The following RMDN2 variants were observed in gnomAD, a reference collection of about 807,000 sequenced individuals.
RMDN2 encodes the protein regulator of microtubule dynamics 2.
In RMDN2, 61 loss-of-function variants were observed where a neutral mutation model predicts 52.8. The observed-to-expected ratio is 1.16, with a 90% confidence interval of 0.94 to 1.43. The LOEUF (loss-of-function observed/expected upper bound fraction) is 1.43. Ranked by LOEUF, RMDN2 falls within the 40% of genes most tolerant of loss-of-function variation. The probability of loss-of-function intolerance (pLI) is 0.00; values close to 1 mark genes in which losing one functional copy is unlikely to be tolerated. For synonymous variants in RMDN2, 180 were observed against 153.1 expected (o/e 1.18, Z -1.30); for missense variants, 592 against 475.3 (o/e 1.25, Z -2.28).
chr2:37,968,704 A>G (rs1367297310), intron 2 of RMDN2, among the ~76,000 whole-genome samples: 3 of 152,190 alleles, frequency 2.0e-5, no homozygotes, highest in Non-Finnish European at 4.4e-5. Flanking sequence ...AATTTAGAGC[A>G]GAAGAAAGGA....
chr2:37,934,671 T>G (rs1667140550), intron 2 of RMDN2, among the ~76,000 whole-genome samples: 1 of 152,078 alleles, frequency 6.6e-6, no homozygotes. Context: ...GAGTACTATT[T>G]TTAGGGAGGA....
chr2:37,974,219 G>T lies in RMDN2; in HGVS notation c.627+5G>T. On this transcript the variant is annotated splice_donor_5th_base_variant and intron_variant, in intron 3 of 10. Coordinates refer to ENST00000354545, the MANE Select transcript of RMDN2 (RefSeq NM_001170791.3). ...CTTCGTGACCACAAAGAAAAGGTAA[G>T]AGACATAACAATAGCACTTCGTATA... 6.2e-7 allele frequency: 1 copy of T among 1,605,020 alleles called. No individual in the cohort carries two copies. The highest frequency in any genetic ancestry group is 1.1e-5 in the South Asian group (1 of 89,884).
intron 8 of RMDN2, among the ~76,000 whole-genome samples, chr2:38,000,879 A>G (rs1358761381): frequency 6.6e-6 from 1 of 152,224 alleles, no homozygotes; most frequent in African/African-American, 2.4e-5. Flanking sequence ...GTTGTGTCAT[A>G]TGGTATGTGC....
At chr2:38,045,161 C>T (rs183538057) in intron 10 of RMDN2, among the ~76,000 whole-genome samples, 2 of 152,202 alleles carry the variant, frequency 1.3e-5, no homozygotes, top group East Asian at 1.9e-4. Flanking sequence ...ATAGAAAATA[C>T]GTAATTTAAA....
chr2:37,984,401 G>A (rs1180556464), intron 5 of RMDN2, among the ~76,000 whole-genome samples: 1 of 152,164 alleles, frequency 6.6e-6, no homozygotes, highest in Non-Finnish European at 1.5e-5. Flanking sequence ...ACATGTCTTA[G>A]AACATGTGAT....
intron 7 of RMDN2, among the ~76,000 whole-genome samples, chr2:37,992,618 A>T (rs930508007): frequency 1.3e-5 from 2 of 152,202 alleles, no homozygotes; most frequent in Non-Finnish European, 2.9e-5. Context: ...TTTCTTCAGC[A>T]TCTAGCTCAG....
intron 10 of RMDN2, among the ~76,000 whole-genome samples, chr2:38,043,990 T>C (rs1169708544): frequency 6.6e-6 from 1 of 152,066 alleles, no homozygotes; most frequent in African/African-American, 2.4e-5. Context: ...TCTATATCAT[T>C]TTCCTTCTCT....
At chr2:38,015,273 T>C (rs765831921) in intron 10 of RMDN2, among the ~76,000 whole-genome samples, 1 of 152,120 alleles carries the variant, frequency 6.6e-6, no homozygotes, top group African/African-American at 2.4e-5. Context: ...ACGATAGGAA[T>C]TGTTGACCCT....
chr2:37,925,221 C>G (rs923973195), upstream of RMDN2: 84 of 152,262 alleles, frequency 5.5e-4, no homozygotes, highest in African/African-American at 2.0e-3. Context: ...GAACCCACCA[C>G]GAGAGGGAGA....
chr2:38,065,897 C>T (rs749615581), intron 10 of RMDN2, among the ~76,000 whole-genome samples: 8 of 152,172 alleles, frequency 5.3e-5, no homozygotes, highest in South Asian at 4.1e-4. Context: ...TGAGGATTCC[C>T]GCACAATGTC....
At chr2:37,955,388 GTTTTTATCATAAAAAGGTGATAAAT>G in intron 2 of RMDN2, among the ~76,000 whole-genome samples, 1 of 152,188 alleles carries the variant, frequency 6.6e-6, no homozygotes, top group East Asian at 1.9e-4. Flanking sequence ...TTTGTTGAGT[GTTTTTATCATAAAAAGGTGATAAAT>G]TTTGTCAAAT....
At chr2:37,927,395 C>T (rs1390803301) in intron 1 of RMDN2, among the ~76,000 whole-genome samples, 2 of 152,154 alleles carry the variant, frequency 1.3e-5, no homozygotes, top group Non-Finnish European at 2.9e-5. Flanking sequence ...ATAATAGGAC[C>T]TGCATGGAAG....
At chr2:38,064,477 G>A (rs1400482198) in intron 10 of RMDN2, among the ~76,000 whole-genome samples, 4 of 151,306 alleles carry the variant, frequency 2.6e-5, no homozygotes, top group Non-Finnish European at 5.9e-5. Context: ...GTGACAGAGC[G>A]AGACTCCATC....
At chr2:38,015,781 C>A (rs1047550467) in intron 10 of RMDN2, among the ~76,000 whole-genome samples, 4 of 152,256 alleles carry the variant, frequency 2.6e-5, no homozygotes, top group African/African-American at 9.6e-5. Flanking sequence ...AGCGATCTAA[C>A]AACATGTCAA....
At chr2:37,945,436 T>C (rs1372868333) in intron 2 of RMDN2, among the ~76,000 whole-genome samples, 1 of 152,194 alleles carries the variant, frequency 6.6e-6, no homozygotes, top group African/African-American at 2.4e-5. Flanking sequence ...CATCTTCCTG[T>C]GCCTTCTTCA....
At chr2:38,057,475 G>A (rs1681892283) in intron 10 of RMDN2, among the ~76,000 whole-genome samples, 1 of 152,162 alleles carries the variant, frequency 6.6e-6, no homozygotes, top group South Asian at 2.1e-4. Context: ...TGGAAAATGG[G>A]TGGTGGACCA....
At chr2:37,950,531 T>A (rs368811109) in intron 2 of RMDN2, 87 of 1,612,956 alleles carry the variant, frequency 5.4e-5, no homozygotes, top group Non-Finnish European at 7.2e-5. Flanking sequence ...GGCTTAAGGA[T>A]GACGGCCTAG....
At chr2:37,990,916 A>G (rs1051478488) in intron 6 of RMDN2, among the ~76,000 whole-genome samples, 2 of 152,204 alleles carry the variant, frequency 1.3e-5, no homozygotes, top group Admixed American at 6.5e-5. Context: ...AGAATCAGTA[A>G]CTATTCACTA....
intron 2 of RMDN2, chr2:37,951,324 C>T (rs1434020885): frequency 1.2e-6 from 2 of 1,612,932 alleles, no homozygotes; most frequent in Admixed American, 3.3e-5. Context: ...TTCTATTTCA[C>T]AACCAAGTAT....
Sources: allele counts gnomAD v4.1 joint callset (sites outside exome capture counted in the v4.1 genomes callset), GRCh38; gene constraint gnomAD v4.1.1; transcripts MANE v1.5; gene names NCBI Gene and HGNC (gene_info 2026-07-23, HGNC 2026-07-21).